The following IL1RAPL1 variants were observed in gnomAD, a reference collection of about 807,000 sequenced individuals.
The protein encoded by IL1RAPL1 is interleukin-1 receptor accessory protein-like 1.
In IL1RAPL1, 3 loss-of-function variants were observed where a neutral mutation model predicts 48.4. That is an observed-to-expected ratio of 0.06 (90% CI 0.03 to 0.16). The LOEUF is 0.16. Among genes scored for constraint, IL1RAPL1 ranks in the 10% least tolerant of loss-of-function variants. The pLI is 1.00. For missense variants in IL1RAPL1, 349 were observed against 530.6 expected (o/e 0.66, Z 3.36); for synonymous variants, 185 against 187.7 (o/e 0.99, Z 0.12).
intron 6 of IL1RAPL1, among the ~76,000 whole-genome samples, chrX:29,835,403 G>A (rs1424491087): frequency 8.9e-6 from 1 of 111,866 alleles, no homozygotes; most frequent in African/African-American, 3.2e-5. Context: ...GTTGAATTTG[G>A]TTTGCTAGTA....
chrX:29,264,934 C>A (rs1931925768), intron 2 of IL1RAPL1, among the ~76,000 whole-genome samples: 1 of 111,051 alleles, frequency 9.0e-6, no homozygotes, highest in African/African-American at 3.3e-5. Context: ...ATTTTTGAGA[C>A]CGAGTTTTCC....
At chrX:28,741,607 A>G (rs1301885560) in intron 1 of IL1RAPL1, among the ~76,000 whole-genome samples, 2 of 111,893 alleles carry the variant, frequency 1.8e-5, no homozygotes, top group African/African-American at 6.5e-5. Context: ...ACATTTTCCA[A>G]GAGATTCCTT....
intron 2 of IL1RAPL1, among the ~76,000 whole-genome samples, chrX:29,270,286 G>A (rs1368642246): frequency 2.7e-5 from 3 of 111,858 alleles, no homozygotes; most frequent in African/African-American, 3.2e-5. Context: ...GCTAGATGAC[G>A]TGAAGTTAGT....
chrX:29,698,009 C>T (rs1197549076), intron 6 of IL1RAPL1, among the ~76,000 whole-genome samples: 2 of 110,802 alleles, frequency 1.8e-5, no homozygotes, highest in South Asian at 3.8e-4. Context: ...ATTCTAAACA[C>T]GAAACATAAG....
At chrX:29,886,255 ATGT>A (rs1932164690) in intron 6 of IL1RAPL1, among the ~76,000 whole-genome samples, 2 of 112,414 alleles carry the variant, frequency 1.8e-5, no homozygotes, top group Admixed American at 9.4e-5. Context: ...AAATCTTTGG[ATGT>A]TGTTATTTCT....
chrX:29,075,640 A>G (rs757761161), intron 2 of IL1RAPL1, among the ~76,000 whole-genome samples: 2 of 112,227 alleles, frequency 1.8e-5, no homozygotes, highest in Non-Finnish European at 3.8e-5. Flanking sequence ...TAAGAGTAAT[A>G]TATTCTCAAG....
In IL1RAPL1 at chrX:29,528,658, A is replaced by G. The variant is rs922251842; in HGVS notation, c.703+129350A>G. ...ACACTTACAATGTCTGATCTCTGGA[A>G]GGGCTTGGCCCCTTTGAAGCCAGAT... is the stretch of plus-strand genomic sequence containing the variant. On this transcript the variant is annotated intron_variant, in intron 5 of 10. Coordinates refer to ENST00000378993, the MANE Select transcript of IL1RAPL1 (RefSeq NM_014271.4). Among the ~76,000 whole-genome samples, 3 of 112,491 alleles carry G rather than the reference A, an allele frequency of 2.7e-5. No individual in the cohort carries two copies. The East Asian group carries it at 8.3e-4, about 31-fold the overall frequency.
At chrX:29,184,466 C>T (rs1158686880) in intron 2 of IL1RAPL1, among the ~76,000 whole-genome samples, 1 of 111,594 alleles carries the variant, frequency 9.0e-6, no homozygotes, top group African/African-American at 3.3e-5. Flanking sequence ...CTGTAGAATG[C>T]CATTGAGCCA....
At chrX:29,492,247 T>G (rs1935166873) in intron 5 of IL1RAPL1, among the ~76,000 whole-genome samples, 1 of 112,556 alleles carries the variant, frequency 8.9e-6, no homozygotes, top group Non-Finnish European at 1.9e-5. Context: ...TTACATGTGT[T>G]TTTTATGCTT....
chrX:28,940,653 G>C (rs985426207), intron 2 of IL1RAPL1, among the ~76,000 whole-genome samples: 4 of 110,748 alleles, frequency 3.6e-5, no homozygotes, highest in African/African-American at 1.3e-4. Flanking sequence ...ATAACCTGTT[G>C]ATTATATTTT....
At chrX:29,045,661 G>T (rs1025590656) in intron 2 of IL1RAPL1, among the ~76,000 whole-genome samples, 1 of 110,983 alleles carries the variant, frequency 9.0e-6, no homozygotes, top group Non-Finnish European at 1.9e-5. Context: ...TAAAGACTGG[G>T]TCACCTCAGC....
In IL1RAPL1 at chrX:29,338,040, G is replaced by A. The variant is rs777328213; in HGVS notation, c.362+54823G>A. Among the ~76,000 whole-genome samples the A allele has an allele frequency of 1.5e-4, 17 of 111,406 alleles. No individual in the cohort carries two copies. The South Asian group carries it at 4.5e-3, about 30-fold the overall frequency. On this transcript the variant is annotated intron_variant, in intron 3 of 10. Coordinates refer to ENST00000378993, the MANE Select transcript of IL1RAPL1 (RefSeq NM_014271.4). Reference sequence around the variant, plus strand: ...AGGCTTTTTAAATTTTTTGGTATGCGTCATTCTCTGGACTGAGCATCTTAA... The same window carrying A: ...AGGCTTTTTAAATTTTTTGGTATGCATCATTCTCTGGACTGAGCATCTTAA...
At chrX:29,121,843 G>T (rs1422106294) in intron 2 of IL1RAPL1, among the ~76,000 whole-genome samples, 1 of 111,718 alleles carries the variant, frequency 9.0e-6, no homozygotes, top group Non-Finnish European at 1.9e-5. Context: ...GCTTTGTTTT[G>T]CCTTCTATAT....
intron 1 of IL1RAPL1, among the ~76,000 whole-genome samples, chrX:28,727,962 C>T (rs2146944769): frequency 9.1e-6 from 1 of 110,271 alleles, no homozygotes; most frequent in Admixed American, 9.8e-5. Flanking sequence ...GGAGATATAC[C>T]TAATGCTAGA....
intron 2 of IL1RAPL1, among the ~76,000 whole-genome samples, chrX:28,869,327 C>A (rs1922151137): frequency 8.9e-6 from 1 of 112,111 alleles, no homozygotes; most frequent in Non-Finnish European, 1.9e-5. Context: ...CTCCTCTTAC[C>A]TTTGCTTCCA....
chrX:29,677,449 T>C (rs1926317922), intron 6 of IL1RAPL1, among the ~76,000 whole-genome samples: 2 of 112,176 alleles, frequency 1.8e-5, no homozygotes, highest in African/African-American at 3.2e-5. Flanking sequence ...TTTAAGCAGC[T>C]AATGATCAAT....
chrX:28,888,887 C>T (rs1374054327), intron 2 of IL1RAPL1, among the ~76,000 whole-genome samples: 2 of 110,578 alleles, frequency 1.8e-5, no homozygotes, highest in African/African-American at 6.6e-5. Context: ...ACAATAATTA[C>T]CAAATACAGC....
At chrX:28,723,509 A>G (rs774275943) in intron 1 of IL1RAPL1, among the ~76,000 whole-genome samples, 8 of 111,286 alleles carry the variant, frequency 7.2e-5, no homozygotes, top group Non-Finnish European at 1.3e-4. Context: ...TCTTGCTAGC[A>G]GTCTATCAAT....
At chrX:28,771,747 T>C (rs1936308454) in intron 1 of IL1RAPL1, among the ~76,000 whole-genome samples, 1 of 110,941 alleles carries the variant, frequency 9.0e-6, no homozygotes, top group South Asian at 3.8e-4. Flanking sequence ...TTAAAAATAG[T>C]CACATATAAT....
Sources: allele counts gnomAD v4.1 joint callset (sites outside exome capture counted in the v4.1 genomes callset), GRCh38; gene constraint gnomAD v4.1.1; transcripts MANE v1.5; gene names NCBI Gene and HGNC (gene_info 2026-07-23, HGNC 2026-07-21).